The following MGST1 variants were observed in gnomAD, a reference collection of about 807,000 sequenced individuals.
MGST1 encodes the protein glutathione S-transferase 12.
MGST1 carries 5 observed loss-of-function variants against 8.9 expected under a neutral mutation model. The ratio of observed to expected loss-of-function variants is 0.56; its 90% CI spans 0.29 to 1.19. The LOEUF is 1.19. Among genes scored for constraint, MGST1 ranks in the 50% most tolerant of loss-of-function variants. The pLI is 0.08. For synonymous variants in MGST1, 54 were observed against 67.8 expected, an observed-to-expected ratio of 0.80 and a Z score of 1.00; for missense variants, 182 against 187.4, an observed-to-expected ratio of 0.97 and a Z score of 0.17.
chr12:16,543,232 C>G (rs1002337662), intron 4 of MGST1, among the ~76,000 whole-genome samples: 6 of 152,128 alleles, frequency 3.9e-5, no homozygotes, highest in Admixed American at 1.3e-4. Flanking sequence ...TGCTAAATAT[C>G]AGAAGCAGAG....
At chr12:16,463,150 T>C (rs1941232010) in intron 4 of MGST1, among the ~76,000 whole-genome samples, 1 of 152,164 alleles carries the variant, frequency 6.6e-6, no homozygotes, top group Non-Finnish European at 1.5e-5. Flanking sequence ...AAGAGACTAA[T>C]ACTGCTTACC....
At chr12:16,518,949 C>G (rs1425153641) in intron 4 of MGST1, among the ~76,000 whole-genome samples, 1 of 152,156 alleles carries the variant, frequency 6.6e-6, no homozygotes, top group African/African-American at 2.4e-5. Context: ...TGCTTCTAAT[C>G]GGGTAGATAA....
chr12:16,540,193 C>G (rs1268534863), intron 4 of MGST1, among the ~76,000 whole-genome samples: 1 of 152,200 alleles, frequency 6.6e-6, no homozygotes, highest in Admixed American at 6.5e-5. Context: ...GCTACTTGAT[C>G]TTGGAGCCTT....
chr12:16,384,828 C>T (rs1940490955), intron 1 of MGST1, among the ~76,000 whole-genome samples: 1 of 152,194 alleles, frequency 6.6e-6, no homozygotes, highest in African/African-American at 2.4e-5. Context: ...TACTTTTGTA[C>T]GCAGCTTCCT....
intron 4 of MGST1, among the ~76,000 whole-genome samples, chr12:16,572,876 G>A (rs1942863069): frequency 1.3e-5 from 2 of 151,610 alleles, no homozygotes; most frequent in African/African-American, 4.8e-5. Context: ...TAAGGTATTT[G>A]ATATGAATTT....
Position 16,411,540 on chromosome 12 carries a change from C to T in MGST1, n.779-25848C>T, listed in dbSNP as rs188387724. Among the ~76,000 whole-genome samples, 15 of 152,008 alleles carry T rather than the reference C, an allele frequency of 9.9e-5. No individual in the cohort carries two copies. In the East Asian group the frequency reaches 2.1e-3, roughly 22 times the overall value. ...AATGTTAGTTTTCTTTAATAATATACGATGATTTTGGATGACAGCATAGGT... is the reference window on the plus strand; with the variant it reads ...AATGTTAGTTTTCTTTAATAATATATGATGATTTTGGATGACAGCATAGGT... On this transcript the variant is annotated intron_variant and non_coding_transcript_variant, in intron 1 of 1. Coordinates refer to the MGST1 transcript ENST00000359720.
intron 1 of MGST1, among the ~76,000 whole-genome samples, chr12:16,406,051 T>C (rs1252668457): frequency 6.6e-6 from 1 of 152,152 alleles, no homozygotes; most frequent in Non-Finnish European, 1.5e-5. Context: ...GTATTGGAAG[T>C]CCTGGTCAGA....
intron 4 of MGST1, among the ~76,000 whole-genome samples, chr12:16,444,184 T>A (rs1051105363): frequency 1.6e-5 from 2 of 125,146 alleles, no homozygotes; most frequent in Non-Finnish European, 3.3e-5. Flanking sequence ...GCTGATTTGG[T>A]TTTTTTTTTT....
chr12:16,572,117 T>A (rs945447219), intron 4 of MGST1, among the ~76,000 whole-genome samples: 3 of 151,922 alleles, frequency 2.0e-5, no homozygotes, highest in Admixed American at 6.6e-5. Context: ...AAGAAAAAGG[T>A]ACATTTCATT....
chr12:16,533,310 A>G (rs1941733695), intron 4 of MGST1, among the ~76,000 whole-genome samples: 2 of 152,086 alleles, frequency 1.3e-5, no homozygotes, highest in Non-Finnish European at 2.9e-5. Context: ...TAGCCTCTGG[A>G]TGTGTTAAAA....
In MGST1 at chr12:16,482,504, G is replaced by T. The variant is rs1312270495; in HGVS notation, n.482+98900G>T. Among the ~76,000 whole-genome samples, 1 of 152,088 alleles carries T rather than the reference G, an allele frequency of 6.6e-6. No individual in the cohort carries two copies. Among genetic ancestry groups the T allele is most frequent in the South Asian group, 2.1e-4 (1 of 4,818 alleles). The stretch of plus-strand genomic sequence containing the variant: ...AAATTAGCCAGGCGCAGTGGCAGGC[G>T]CCTGTAATCCTAGCTACTCGGGAGG... On this transcript the variant is annotated intron_variant and non_coding_transcript_variant, in intron 4 of 4. Transcript: ENST00000538857. The surrounding 1 kb of genome is among the most constrained non-coding windows in gnomAD (Gnocchi z 4.2).
chr12:16,495,227 A>G (rs951210590), intron 4 of MGST1, among the ~76,000 whole-genome samples: 1 of 152,138 alleles, frequency 6.6e-6, no homozygotes, highest in African/African-American at 2.4e-5. Flanking sequence ...AGAAAACCAA[A>G]TGCTGTGTTT....
intron 4 of MGST1, among the ~76,000 whole-genome samples, chr12:16,501,054 C>T (rs543516186): frequency 6.2e-5 from 9 of 144,640 alleles, no homozygotes; most frequent in Non-Finnish European, 1.0e-4. Context: ...TGCAGTGAGC[C>T]GAGATGGTGG....
intron 4 of MGST1, among the ~76,000 whole-genome samples, chr12:16,516,320 G>A (rs1006709378): frequency 2.6e-5 from 4 of 152,166 alleles, no homozygotes; most frequent in Admixed American, 6.5e-5. Flanking sequence ...GTAATATGGA[G>A]TCATTATTAG....
chr12:16,551,454 A>G (rs1941986887), intron 4 of MGST1: 1 of 617,970 alleles, frequency 1.6e-6, no homozygotes, highest in Admixed American at 2.7e-5. Flanking sequence ...TGGCTTAGAC[A>G]GTTGTCTTCA....
At position 16,547,136 on chromosome 12, in the gene MGST1, A is replaced by C. The variant is rs1258906005; in HGVS notation, n.483-42392A>C. On this transcript the variant is annotated intron_variant and non_coding_transcript_variant, in intron 4 of 4. Coordinates refer to the MGST1 transcript ENST00000538857. This position sits in a 1 kb window ranked among gnomAD's most constrained non-coding sequence, Gnocchi z 4.6. ...TTCTTCATTTTTCTGGCCATTCATA[A>C]GGTTTTATAAACCCTAGGCATTCTG... Among the ~76,000 whole-genome samples, 2 of 152,156 alleles carry C rather than the reference A, an allele frequency of 1.3e-5. No homozygotes were observed. Among genetic ancestry groups the C allele is most frequent in the African/African-American group, 4.8e-5 (2 of 41,442 alleles).
intron 1 of MGST1, among the ~76,000 whole-genome samples, chr12:16,427,752 A>G (rs1755041777): frequency 6.6e-6 from 1 of 152,164 alleles, no homozygotes; most frequent in African/African-American, 2.4e-5. Flanking sequence ...TTGAGCTTTA[A>G]TTATTTCCAT....
At chr12:16,481,330 C>T (rs896122829) in intron 4 of MGST1, among the ~76,000 whole-genome samples, 2 of 152,134 alleles carry the variant, frequency 1.3e-5, no homozygotes, top group Non-Finnish European at 2.9e-5. Flanking sequence ...GGTAAGCATT[C>T]TCTCAAATCA....
At position 16,586,551 on chromosome 12, in the gene MGST1, C is replaced by G. The variant is rs994517385; in HGVS notation, n.483-2977C>G. Among the ~76,000 whole-genome samples, 2 of 152,154 alleles carry G rather than the reference C, an allele frequency of 1.3e-5. No individual in the cohort carries two copies. The highest frequency in any genetic ancestry group is 4.8e-5 in the African/African-American group (2 of 41,432). ...TATAATATTGTCAGATTCAGGCCAA[C>G]TGAATTCTGGAGGACATATGCAAAG... is the stretch of plus-strand genomic sequence containing the variant. On this transcript the variant is annotated intron_variant and non_coding_transcript_variant, in intron 4 of 4. Transcript: ENST00000538857. The surrounding 1 kb of genome is among the most constrained non-coding windows in gnomAD (Gnocchi z 4.3).
Sources: allele counts gnomAD v4.1 joint callset (sites outside exome capture counted in the v4.1 genomes callset), GRCh38; gene constraint gnomAD v4.1.1; non-coding constraint Gnocchi (gnomAD v3.1); transcripts MANE v1.5; gene names NCBI Gene and HGNC (gene_info 2026-07-23, HGNC 2026-07-21).